UPF2: variants seen among roughly 807,000 people sequenced by gnomAD.
UPF2 encodes the protein regulator of nonsense transcripts 2.
UPF2 carries 17 observed loss-of-function variants against 141.4 expected under a neutral mutation model. The observed-to-expected ratio is 0.12, with a 90% confidence interval of 0.08 to 0.18. UPF2 has a LOEUF of 0.18. Among genes scored for constraint, UPF2 ranks in the 10% least tolerant of loss-of-function variants. The probability of loss-of-function intolerance (pLI) is 1.00; values close to 1 mark genes in which losing one functional copy is unlikely to be tolerated. For missense variants in UPF2, 1,152 were observed against 1,515.9 expected, an observed-to-expected ratio of 0.76 and a Z score of 3.99; for synonymous variants, 540 against 498.0, an observed-to-expected ratio of 1.08 and a Z score of -1.12.
chr10:12,008,578 T>G (rs1159504471), intron 4 of UPF2, among the ~76,000 whole-genome samples: 1 of 143,344 alleles, frequency 7.0e-6, no homozygotes, highest in East Asian at 2.1e-4. Context: ...TGCAGTGAGC[T>G]TAGATCGCAC....
At chr10:11,946,129 T>C (rs867533858) in intron 16 of UPF2, among the ~76,000 whole-genome samples, 2 of 152,330 alleles carry the variant, frequency 1.3e-5, no homozygotes, top group Non-Finnish European at 2.9e-5. Context: ...CCACTGCCTA[T>C]AAATACTAGC....
intron 19 of UPF2, among the ~76,000 whole-genome samples, chr10:11,934,771 G>T (rs1832826324): frequency 6.6e-6 from 1 of 152,084 alleles, no homozygotes; most frequent in Non-Finnish European, 1.5e-5. Context: ...TGTATTTTTA[G>T]TAGAGACGGG....
In UPF2 at chr10:11,998,623, T is replaced by C. The variant is rs1588560690; in HGVS notation, c.1759-866A>G. Among the ~76,000 whole-genome samples the C allele has an allele frequency of 6.6e-6, 1 of 152,090 alleles. No individual in the cohort carries two copies. The highest frequency in any genetic ancestry group is 1.9e-4 in the East Asian group (1 of 5,160). On this transcript the variant is annotated intron_variant, in intron 7 of 21. Coordinates refer to ENST00000357604, the MANE Select transcript of UPF2 (RefSeq NM_015542.4). This position sits in a 1 kb window ranked among gnomAD's most constrained non-coding sequence, Gnocchi z 4.5. ...ATTCTAGCACTCTGGGAGGCCGAGGTGGGTGGATCACGTGAGGTCAGGAGT... is the reference window on the plus strand; with the variant it reads ...ATTCTAGCACTCTGGGAGGCCGAGGCGGGTGGATCACGTGAGGTCAGGAGT...
intron 8 of UPF2, among the ~76,000 whole-genome samples, chr10:11,982,137 G>T (rs1018235376): frequency 5.9e-5 from 9 of 151,860 alleles, no homozygotes; most frequent in Admixed American, 3.3e-4. Flanking sequence ...GAATATTAAG[G>T]TTATTCATTT....
chr10:11,965,846 T>C (rs564946521), intron 10 of UPF2, among the ~76,000 whole-genome samples: 13 of 152,300 alleles, frequency 8.5e-5, no homozygotes, highest in African/African-American at 2.6e-4. Context: ...CCAAATGTAT[T>C]TGAATCCATG....
chr10:11,964,738 T>A (rs1454823702), intron 10 of UPF2, among the ~76,000 whole-genome samples: 4 of 152,220 alleles, frequency 2.6e-5, no homozygotes, highest in African/African-American at 9.6e-5. Flanking sequence ...CTTACTTGAT[T>A]CTTATCCATC....
rs1056787778 is a variant in UPF2 at position 11,942,544 on chromosome 10, T to A, written c.3378+121A>T. On this transcript the variant is annotated intron_variant, in intron 18 of 21. Coordinates refer to ENST00000357604, the MANE Select transcript of UPF2 (RefSeq NM_015542.4). Reference sequence around the variant, plus strand: ...CTGGCTGCAAGCTGTCTACACATGATCTAGCAAAAGCTGCTGCAGAAGAGA... The same window carrying A: ...CTGGCTGCAAGCTGTCTACACATGAACTAGCAAAAGCTGCTGCAGAAGAGA... The A allele has an allele frequency of 3.8e-6, 3 of 797,948 alleles. No homozygotes were observed. The African/African-American group carries it at 5.2e-5, about 14-fold the overall frequency. 49.4% of individuals were successfully genotyped at this position (797,948 alleles called of 1,614,324 possible). A position where few individuals can be genotyped will look rare whatever the true frequency, so the allele number is the denominator to read the frequency against.
At chr10:11,994,331 TTA>T (rs1437717711) in intron 8 of UPF2, among the ~76,000 whole-genome samples, 3 of 152,126 alleles carry the variant, frequency 2.0e-5, no homozygotes, top group Non-Finnish European at 2.9e-5. Context: ...AAGGAAATCT[TTA>T]TGTCCTGAGA....
chr10:11,944,470 G>A (rs1257713141), intron 16 of UPF2, among the ~76,000 whole-genome samples: 1 of 152,054 alleles, frequency 6.6e-6, no homozygotes, highest in Non-Finnish European at 1.5e-5. Context: ...CTCCGGCCTG[G>A]GTGACAGAGC....
intron 5 of UPF2, 57 bp downstream of exon 5, chr10:12,004,473 T>C (rs1341929880): frequency 7.3e-6 from 10 of 1,366,682 alleles, no homozygotes; most frequent in Middle Eastern, 2.3e-4. Context: ...TTACAAATAC[T>C]ATTTTGAAGC....
rs892319089 is a variant in UPF2 at position 12,014,917 on chromosome 10, C to A, written c.1146-733G>T. On this transcript the variant is annotated intron_variant, in intron 3 of 21. Transcript: ENST00000357604. This position sits in a 1 kb window ranked among gnomAD's most constrained non-coding sequence, Gnocchi z 5.0. ...GAGAAGTCCACTCACTCAGGCCAGC[C>A]CTTATCAAGGAACTAAGGACATAAC... Among the ~76,000 whole-genome samples, 1 of 152,186 alleles carries A rather than the reference C, an allele frequency of 6.6e-6. No individual in the cohort carries two copies. Among genetic ancestry groups the A allele is most frequent in the African/African-American group, 2.4e-5 (1 of 41,444 alleles).
At chr10:11,971,931 G>A (rs974905931) in intron 9 of UPF2, among the ~76,000 whole-genome samples, 1 of 151,954 alleles carries the variant, frequency 6.6e-6, no homozygotes, top group East Asian at 1.9e-4. Context: ...AGGTATGGTG[G>A]CCTGTGCCTG....
chr10:12,040,216 C>T (rs1200079203), intron 1 of UPF2, among the ~76,000 whole-genome samples: 1 of 152,002 alleles, frequency 6.6e-6, no homozygotes, highest in Non-Finnish European at 1.5e-5. Flanking sequence ...GTCAAGAGTT[C>T]GAAACCATCC....
At position 11,939,046 on chromosome 10, in the gene UPF2, G is replaced by C. The variant is rs1235207471; in HGVS notation, c.3379-2334C>G. 1.3e-5 allele frequency among the ~76,000 whole-genome samples: 2 copies of C among 151,292 alleles called. No homozygotes were observed. Among genetic ancestry groups the C allele is most frequent in the African/African-American group, 2.4e-5 (1 of 41,168 alleles). ...CACCACCACAACCAGCTAATTTTTT[G>C]TATTTACTGGAGACGGGGTTTCACC... On this transcript the variant is annotated intron_variant, in intron 18 of 21. Transcript: ENST00000357604. This position sits in a 1 kb window ranked among gnomAD's most constrained non-coding sequence, Gnocchi z 4.8.
chr10:12,004,445 A>AAT (rs944832989), intron 5 of UPF2, 85 bp downstream of exon 5: 7 of 1,077,150 alleles, frequency 6.5e-6, no homozygotes, highest in Non-Finnish European at 9.1e-6. Context: ...TAGTAACTAC[A>AAT]ATATATATAT....
Position 12,035,429 on chromosome 10 carries a change from G to T in UPF2, c.-6C>A. 1 of 1,547,334 alleles carries T rather than the reference G, an allele frequency of 6.5e-7. No individual in the cohort carries two copies. On this transcript the variant is annotated 5_prime_UTR_variant, in exon 2 of 22. Transcript: ENST00000357604. ...TTTTTACGCTCAGCTGGCATTATGT[G>T]ACCCAGGACAATCTGTAAGAGGGAA...
At chr10:11,997,570 A>C in intron 8 of UPF2, 102 bp downstream of exon 8, 1 of 1,037,138 alleles carries the variant, frequency 9.6e-7, no homozygotes, top group East Asian at 2.4e-5. Flanking sequence ...CTACAGAGTG[A>C]ATAAAATCAA....
At position 11,992,559 on chromosome 10, in the gene UPF2, A is replaced by C. The variant is rs1833797085; in HGVS notation, c.1844+5113T>G. Among the ~76,000 whole-genome samples the C allele has an allele frequency of 6.6e-6, 1 of 152,134 alleles. No homozygotes were observed. The highest frequency in any genetic ancestry group is 1.5e-5 in the Non-Finnish European group (1 of 68,018). On this transcript the variant is annotated intron_variant, in intron 8 of 21. Coordinates refer to ENST00000357604, the MANE Select transcript of UPF2 (RefSeq NM_015542.4). This position sits in a 1 kb window ranked among gnomAD's most constrained non-coding sequence, Gnocchi z 4.1. ...AATAATGCAAACCTTCCTAAAACCA[A>C]GAAACATACACTCATGCGTGCACAC...
chr10:11,947,416 T>C (rs998693040), intron 16 of UPF2, among the ~76,000 whole-genome samples: 10 of 152,164 alleles, frequency 6.6e-5, no homozygotes, highest in African/African-American at 1.4e-4. Flanking sequence ...CTCATTAATA[T>C]CTAGCCAGTA....
Sources: allele counts gnomAD v4.1 joint callset (sites outside exome capture counted in the v4.1 genomes callset), GRCh38; gene constraint gnomAD v4.1.1; non-coding constraint Gnocchi (gnomAD v3.1); transcripts MANE v1.5; gene names NCBI Gene and HGNC (gene_info 2026-07-23, HGNC 2026-07-21).